SAG: variants seen among roughly 807,000 people sequenced by gnomAD.
The protein encoded by SAG is S-arrestin.
In SAG, 45 loss-of-function variants were observed where a neutral mutation model predicts 55.0. That is an observed-to-expected ratio of 0.82 (90% CI 0.64 to 1.05). The LOEUF is 1.05. SAG is among the 50% of genes least tolerant of loss of function. The pLI is 0.00. For missense variants in SAG, 455 were observed against 512.1 expected, an observed-to-expected ratio of 0.89 and a Z score of 1.08; for synonymous variants, 189 against 197.4, an observed-to-expected ratio of 0.96 and a Z score of 0.36.
intron 11 of SAG, 36 bp from the exon 12 acceptor site, chr2:233,338,640 T>C: frequency 6.3e-7 from 1 of 1,580,682 alleles, no homozygotes; most frequent in Non-Finnish European, 8.7e-7. Context: ...CCTCCTCTGC[T>C]CTCCATCATT....
At chr2:233,318,610 T>C in intron 3 of SAG, 141 bp from the exon 4 acceptor site, 2 of 720,272 alleles carry the variant, frequency 2.8e-6, no homozygotes, top group South Asian at 3.5e-5. Flanking sequence ...GATGACTTTT[T>C]TCCCTTTGCC....
At chr2:233,329,710 AG>A in intron 9 of SAG, 133 bp downstream of exon 9, 1 of 652,828 alleles carries the variant, frequency 1.5e-6, no homozygotes, top group Non-Finnish European at 2.7e-6. Flanking sequence ...CTGCTGTCAT[AG>A]GCAGCAGGAC....
At chr2:233,315,597 C>G (rs1054138834) in intron 2 of SAG, among the ~76,000 whole-genome samples, 1 of 151,088 alleles carries the variant, frequency 6.6e-6, no homozygotes, top group African/African-American at 2.4e-5. Flanking sequence ...CCAGCCTGTC[C>G]AGAAGTTCTT....
At chr2:233,318,467 G>A (rs7594781) in intron 3 of SAG, among the ~76,000 whole-genome samples, 3 of 151,680 alleles carry the variant, frequency 2.0e-5, no homozygotes, top group East Asian at 1.9e-4. Flanking sequence ...TCCTAGGCTC[G>A]AGCAGTCCTC....
At chr2:233,331,558 C>A in intron 9 of SAG, 82 bp from the exon 10 acceptor site, 3 of 841,964 alleles carry the variant, frequency 3.6e-6, no homozygotes, top group Non-Finnish European at 6.2e-6. Context: ...GAGAGACCAG[C>A]GTGTACCCTG....
intron 11 of SAG, among the ~76,000 whole-genome samples, 153 bp downstream of exon 11, chr2:233,335,252 A>G (rs1700888594): frequency 6.6e-6 from 1 of 152,154 alleles, no homozygotes; most frequent in African/African-American, 2.4e-5. Flanking sequence ...GGGCCCACAC[A>G]AGGATCCCAC....
intron 6 of SAG, among the ~76,000 whole-genome samples, chr2:233,324,251 G>A (rs539556506): frequency 4.6e-5 from 7 of 152,264 alleles, no homozygotes; most frequent in African/African-American, 1.7e-4. Context: ...TATTAGCCAG[G>A]ATTGGTGGCA....
At chr2:233,328,293 C>T in intron 7 of SAG, 185 bp from the exon 8 acceptor site, 1 of 602,838 alleles carries the variant, frequency 1.7e-6, no homozygotes, top group Non-Finnish European at 2.8e-6. Context: ...GACCCAGACC[C>T]CCAGGCTCTT....
In SAG at chr2:233,327,148, G is replaced by A. The variant is rs745341538; in HGVS notation, c.463G>A (p.Ala155Thr). Residue 155 changes from alanine to threonine, a missense_variant, in exon 7 of 16, where the codon GCA becomes ACA. Coordinates refer to ENST00000409110, the MANE Select transcript of SAG (RefSeq NM_000541.5). ...KSCGVDFEVK[A>T]FATDSTDAEE... ...CTGTGGGGTTGACTTTGAGGTCAAA[G>A]CATTCGCCACAGACAGCACCGATGC... The A allele has an allele frequency of 6.2e-7, 1 of 1,613,874 alleles. No homozygotes were observed. The highest frequency in any genetic ancestry group is 1.1e-5 in the South Asian group (1 of 91,086).
chr2:233,336,176 A>C (rs912229894), intron 11 of SAG, among the ~76,000 whole-genome samples: 2 of 152,232 alleles, frequency 1.3e-5, no homozygotes, highest in Non-Finnish European at 2.9e-5. Context: ...ATGATGGCTC[A>C]CCACACTGTG....
intron 2 of SAG, among the ~76,000 whole-genome samples, chr2:233,310,881 C>T (rs544179592): frequency 4.6e-5 from 7 of 152,210 alleles, no homozygotes; most frequent in African/African-American, 7.2e-5. Flanking sequence ...CCAGGAGATC[C>T]GGCTTTGCCT....
In SAG at chr2:233,320,763, A is replaced by G; in HGVS notation, c.315A>G (p.Thr105=). The change falls in exon 5 of 16, where the codon ACA becomes ACG. Residue 105 remains threonine (T), a synonymous_variant. Transcript: ENST00000409110. Reference sequence around the variant, plus strand: ...CTGTGGGGGCCGCGAGCACCCCCACAAAACTGCAAGAGAGCCTGCTTAAAA... The same window carrying G: ...CTGTGGGGGCCGCGAGCACCCCCACGAAACTGCAAGAGAGCCTGCTTAAAA... ...YPPVGAASTP[T]KLQESLLKKL... 6 of 1,607,054 alleles carry G rather than the reference A, an allele frequency of 3.7e-6. No homozygotes were observed. The highest frequency in any genetic ancestry group is 5.1e-6 in the Non-Finnish European group (6 of 1,176,818).
chr2:233,335,601 C>T (rs1341274674), intron 11 of SAG, among the ~76,000 whole-genome samples: 1 of 142,474 alleles, frequency 7.0e-6, no homozygotes, highest in African/African-American at 2.6e-5. Flanking sequence ...ATTCATTCGT[C>T]CATTTCCATC....
At chr2:233,309,060 C>A in intron 1 of SAG, 102 bp from the exon 2 acceptor site, 1 of 658,546 alleles carries the variant, frequency 1.5e-6, no homozygotes, top group Non-Finnish European at 2.7e-6. Flanking sequence ...TGAGGACGCA[C>A]AGGATCTCGT....
At chr2:233,346,773 T>G in intron 15 of SAG, 34 bp from the exon 16 acceptor site, 2 of 1,337,292 alleles carry the variant, frequency 1.5e-6, no homozygotes, top group Non-Finnish European at 2.1e-6. Context: ...TCAAAGGGCG[T>G]GCAATGATCA....
At chr2:233,311,914 TCAGGAGTTCGAGAC>T (rs1700085041) in intron 2 of SAG, among the ~76,000 whole-genome samples, 1 of 152,070 alleles carries the variant, frequency 6.6e-6, no homozygotes, top group African/African-American at 2.4e-5. Context: ...TCACCTGAGG[TCAGGAGTTCGAGAC>T]CAGCCTGGCC....
chr2:233,332,500 AT>A (rs982993119), intron 10 of SAG: 2 of 152,028 alleles, frequency 1.3e-5, no homozygotes, highest in East Asian at 1.9e-4. Flanking sequence ...TAATAGATAG[AT>A]TTTTTTGAGA....
At position 233,340,925 on chromosome 2, in the gene SAG, C is replaced by T. The variant is rs145061643; in HGVS notation, c.1046+447C>T. 2.1e-3 allele frequency among the ~76,000 whole-genome samples: 314 copies of T among 152,140 alleles called. 4 individuals carry two copies. In the East Asian group the frequency reaches 0.034, roughly 17 times the overall value. ...ACTTCCTGGGTTCAGGCAATCCTCC[C>T]GCCTCAGCCTCCTGAGTAGCTGAGA... On this transcript the variant is annotated intron_variant, in intron 13 of 15. Coordinates refer to ENST00000409110, the MANE Select transcript of SAG (RefSeq NM_000541.5). The surrounding 1 kb of genome is among the most constrained non-coding windows in gnomAD (Gnocchi z 4.2).
intron 8 of SAG, 181 bp downstream of exon 8, chr2:233,328,794 C>A: frequency 3.1e-6 from 2 of 648,300 alleles, no homozygotes; most frequent in Non-Finnish European, 5.0e-6. Context: ...AGCTGGTCAG[C>A]ATGGTCCTTA....
Sources: gnomAD v4.1 joint callset for allele counts (sites outside exome capture counted in the v4.1 genomes callset) on GRCh38, gnomAD v4.1.1 for gene constraint, Gnocchi (gnomAD v3.1) non-coding constraint, MANE v1.5 for transcripts, NCBI Gene and HGNC (gene_info 2026-07-23, HGNC 2026-07-21) for gene names.